The following DPP6 variants were observed in gnomAD, a reference collection of about 807,000 sequenced individuals.
DPP6 encodes the protein dipeptidyl peptidase like 6.
In DPP6, 69 loss-of-function variants were observed where a neutral mutation model predicts 122.6. The observed-to-expected ratio is 0.56, with a 90% CI of 0.46 to 0.69. The LOEUF is 0.69. Among genes scored for constraint, DPP6 ranks in the 30% least tolerant of loss-of-function variants. The probability of loss-of-function intolerance (pLI) is 0.00; values close to 1 mark genes in which losing one functional copy is unlikely to be tolerated. For synonymous variants in DPP6, 418 were observed against 433.1 expected, an observed-to-expected ratio of 0.97 and a Z score of 0.43; for missense variants, 928 against 1,116.9, an observed-to-expected ratio of 0.83 and a Z score of 2.41.
chr7:153,751,747 G>A, the DPP6 span, among the ~76,000 whole-genome samples: 1 of 151,490 alleles, frequency 6.6e-6, no homozygotes, highest in Admixed American at 6.6e-5. Flanking sequence ...TTGGAAGATG[G>A]CACTCACCTT....
chr7:154,758,962 T>C (rs993102955), intron 8 of DPP6, among the ~76,000 whole-genome samples: 1 of 152,172 alleles, frequency 6.6e-6, no homozygotes, highest in African/African-American at 2.4e-5. Context: ...CAGGCGTTTG[T>C]CTATGGATTT....
the DPP6 span, among the ~76,000 whole-genome samples, chr7:153,815,416 G>A: frequency 6.6e-6 from 1 of 152,014 alleles, no homozygotes; most frequent in Non-Finnish European, 1.5e-5. Context: ...TGTGCACAAT[G>A]TGCAGGTTAG....
chr7:154,225,001 G>A (rs947776212), intron 1 of DPP6, among the ~76,000 whole-genome samples: 2 of 152,060 alleles, frequency 1.3e-5, no homozygotes, highest in African/African-American at 4.8e-5. Context: ...AATTAGCCAG[G>A]CATGGTGGCA....
intron 5 of DPP6, among the ~76,000 whole-genome samples, chr7:154,632,547 T>C (rs1248996616): frequency 6.6e-6 from 1 of 152,066 alleles, no homozygotes; most frequent in Non-Finnish European, 1.5e-5. Flanking sequence ...GGGAGCAAGG[T>C]TTGGGGGCTG....
chr7:154,830,256 C>T (rs764862587), intron 16 of DPP6, among the ~76,000 whole-genome samples: 19 of 152,256 alleles, frequency 1.2e-4, no homozygotes, highest in Non-Finnish European at 2.5e-4. Flanking sequence ...ATCTGGCTTC[C>T]TCTGTCTATC....
intron 1 of DPP6, among the ~76,000 whole-genome samples, chr7:154,437,336 G>C (rs1818958071): frequency 6.6e-6 from 1 of 152,170 alleles, no homozygotes; most frequent in South Asian, 2.1e-4. Flanking sequence ...TTCTTTTTGA[G>C]TAATTTGATA....
At chr7:154,574,599 G>A (rs1831371965) in intron 5 of DPP6, among the ~76,000 whole-genome samples, 1 of 125,230 alleles carries the variant, frequency 8.0e-6, no homozygotes. Context: ...GTGTGGGAGT[G>A]TATGTGAGTT....
the DPP6 span, among the ~76,000 whole-genome samples, chr7:153,811,571 C>T: frequency 1.3e-5 from 2 of 152,172 alleles, no homozygotes; most frequent in East Asian, 1.9e-4. Flanking sequence ...TGTGTCCACC[C>T]TCTCTGGAAG....
intron 1 of DPP6, among the ~76,000 whole-genome samples, chr7:153,968,498 G>A (rs973833778): frequency 6.6e-6 from 1 of 151,778 alleles, no homozygotes; most frequent in Non-Finnish European, 1.5e-5. Context: ...CAATATTTTG[G>A]TTTTTAGCAT....
intron 4 of DPP6, among the ~76,000 whole-genome samples, chr7:154,542,018 T>A (rs1046098509): frequency 3.3e-5 from 5 of 152,194 alleles, no homozygotes; most frequent in African/African-American, 1.2e-4. Flanking sequence ...AACATGTAAC[T>A]TGCTATTTAA....
At chr7:154,133,716 A>G (rs1326099557) in intron 1 of DPP6, among the ~76,000 whole-genome samples, 1 of 151,838 alleles carries the variant, frequency 6.6e-6, no homozygotes, top group Admixed American at 6.6e-5. Context: ...TCCCCACTGT[A>G]TCTGGGACAG....
chr7:154,610,662 T>G (rs932359135), intron 5 of DPP6, among the ~76,000 whole-genome samples: 9 of 151,904 alleles, frequency 5.9e-5, no homozygotes, highest in African/African-American at 2.2e-4. Flanking sequence ...GTAAAATCTC[T>G]TCCAATTTAT....
the DPP6 span, among the ~76,000 whole-genome samples, chr7:153,879,547 A>G: frequency 2.0e-5 from 3 of 152,016 alleles, no homozygotes; most frequent in Non-Finnish European, 2.9e-5. Context: ...ACGCCACCAC[A>G]GCTGGCTAAT....
chr7:154,597,978 T>C (rs1833202876), intron 5 of DPP6, among the ~76,000 whole-genome samples: 1 of 152,206 alleles, frequency 6.6e-6, no homozygotes, highest in Non-Finnish European at 1.5e-5. Context: ...TGACCTCATT[T>C]TAACTTGATC....
At chr7:154,582,448 G>A (rs1340490314) in intron 5 of DPP6, among the ~76,000 whole-genome samples, 1 of 152,176 alleles carries the variant, frequency 6.6e-6, no homozygotes, top group African/African-American at 2.4e-5. Flanking sequence ...CTTGGACAGT[G>A]GAACTAGAGA....
chr7:154,792,493 C>G (rs1797744613), intron 10 of DPP6, among the ~76,000 whole-genome samples: 1 of 152,272 alleles, frequency 6.6e-6, no homozygotes, highest in African/African-American at 2.4e-5. Flanking sequence ...TGACCAAATC[C>G]CATCATTATA....
chr7:153,927,957 T>C (rs142147698), intron 1 of DPP6, among the ~76,000 whole-genome samples: 159 of 152,294 alleles, frequency 1.0e-3, no homozygotes, highest in Non-Finnish European at 1.9e-3. Flanking sequence ...CTGAAGACCA[T>C]GGGTTCAGAG....
chr7:154,222,825 G>C (rs1800383126), intron 1 of DPP6, among the ~76,000 whole-genome samples: 1 of 148,816 alleles, frequency 6.7e-6, no homozygotes, highest in South Asian at 2.1e-4. Flanking sequence ...TCAAGGCATG[G>C]GGTGGAACCA....
At chr7:154,581,230 C>CT (rs1451416373) in intron 5 of DPP6, among the ~76,000 whole-genome samples, 2 of 152,048 alleles carry the variant, frequency 1.3e-5, no homozygotes, top group Non-Finnish European at 2.9e-5. Context: ...GGAGAAAGAG[C>CT]TAAGAAGGCA....
Sources: gnomAD v4.1 joint callset for allele counts (sites outside exome capture counted in the v4.1 genomes callset) on GRCh38, gnomAD v4.1.1 for gene constraint, MANE v1.5 for transcripts, NCBI Gene and HGNC (gene_info 2026-07-23, HGNC 2026-07-21) for gene names.